Variants in PPM1K observed in about 807,000 individuals in gnomAD.
PPM1K encodes protein phosphatase, Mg2+/Mn2+ dependent 1K.
A neutral mutation model predicts 32.6 loss-of-function variants in PPM1K; 19 were observed. The observed-to-expected ratio is 0.58, with a 90% confidence interval of 0.41 to 0.86. The LOEUF is 0.86. Among genes scored for constraint, PPM1K ranks in the 40% least tolerant of loss-of-function variants. The pLI, the probability that PPM1K is intolerant of heterozygous loss-of-function variation, is 0.00. For missense variants in PPM1K, 362 were observed against 461.2 expected (o/e 0.78, Z 1.97); for synonymous variants, 159 against 165.3 (o/e 0.96, Z 0.29).
At chr4:88,275,342 C>T in intron 3 of PPM1K, 2 of 969,506 alleles carry the variant, frequency 2.1e-6, no homozygotes. Flanking sequence ...TTTCTTTATA[C>T]AACTGTTTAA....
At chr4:88,263,121 C>G (rs1019249127) in intron 6 of PPM1K, among the ~76,000 whole-genome samples, 5 of 152,106 alleles carry the variant, frequency 3.3e-5, no homozygotes. Flanking sequence ...GAATTCAATT[C>G]CCTTTAGGGA....
rs948496716 is a variant in PPM1K at position 88,259,771 on chromosome 4, C to A, written c.*2824G>T. 2.6e-5 allele frequency: 4 copies of A among 152,142 alleles called. No individual in the cohort carries two copies. The highest frequency in any genetic ancestry group is 7.2e-5 in the African/African-American group (3 of 41,428). The allele number at this position is 152,142 out of a possible 1,614,324, so 9.4% of individuals were successfully genotyped here. A position where few individuals can be genotyped will look rare whatever the true frequency, so the allele number is the denominator to read the frequency against. ...GTTTTAAAAGCTTTCCCGGATAAAG[C>A]AGAGTCAAGTCTACCCTATATCCCC... On this transcript the variant is annotated 3_prime_UTR_variant, in exon 7 of 7. Coordinates refer to ENST00000608933, the MANE Select transcript of PPM1K (RefSeq NM_152542.5).
At chr4:88,274,918 A>G (rs1032162518) in intron 3 of PPM1K, 2 of 308,476 alleles carry the variant, frequency 6.5e-6, no homozygotes, top group Non-Finnish European at 9.5e-6. Context: ...ACACAGACCG[A>G]TAAGAATATA....
intron 1 of PPM1K, among the ~76,000 whole-genome samples, chr4:88,280,079 G>C (rs1364384657): frequency 6.6e-6 from 1 of 152,064 alleles, no homozygotes; most frequent in Non-Finnish European, 1.5e-5. Flanking sequence ...AAAGAATGAG[G>C]TTCCAAAGAA....
At position 88,278,788 on chromosome 4, in the gene PPM1K, A is replaced by G; in HGVS notation, c.-59-146T>C. On this transcript the variant is annotated intron_variant, in intron 1 of 6. Coordinates refer to ENST00000608933, the MANE Select transcript of PPM1K (RefSeq NM_152542.5). This position sits in a 1 kb window ranked among gnomAD's most constrained non-coding sequence, Gnocchi z 4.2. ...ATATTACCAAAAATGAAGCTCATAAAGGATTTGACAGAAAATACATATATT... is the reference window on the plus strand; with the variant it reads ...ATATTACCAAAAATGAAGCTCATAAGGGATTTGACAGAAAATACATATATT... 1.8e-6 allele frequency: 1 copy of G among 549,058 alleles called. No homozygotes were observed. The highest frequency in any genetic ancestry group is 3.2e-6 in the Non-Finnish European group (1 of 312,026). The allele number at this position is 549,058 out of a possible 1,614,324, so 34.0% of individuals were successfully genotyped here.
intron 5 of PPM1K, among the ~76,000 whole-genome samples, chr4:88,265,639 C>T (rs1291674498): frequency 6.6e-6 from 1 of 152,154 alleles, no homozygotes; most frequent in Non-Finnish European, 1.5e-5. Flanking sequence ...AATGTAAAGC[C>T]TACCTGTTGG....
In PPM1K at chr4:88,277,256, G is replaced by GA. The variant is rs756424793; in HGVS notation, c.441-14dup. On this transcript the variant is annotated splice_polypyrimidine_tract_variant and intron_variant, in intron 2 of 6. Coordinates refer to ENST00000608933, the MANE Select transcript of PPM1K (RefSeq NM_152542.5). ...AGGAAGCAAATCCCTTTGTGGGGAGGAAAAAAAGAGCCTTAAACAATCATT... is the reference window on the plus strand; with the variant it reads ...AGGAAGCAAATCCCTTTGTGGGGAGGAAAAAAAAGAGCCTTAAACAATCATT... 3.2e-6 allele frequency: 5 copies of GA among 1,546,116 alleles called. No homozygotes were observed. Among genetic ancestry groups the GA allele is most frequent in the Non-Finnish European group, 4.5e-6 (5 of 1,121,188 alleles).
intron 5 of PPM1K, among the ~76,000 whole-genome samples, chr4:88,265,657 T>C (rs539110423): frequency 3.3e-5 from 5 of 152,180 alleles, no homozygotes; most frequent in Admixed American, 6.5e-5. Context: ...TGGGCAAAAG[T>C]AGTAACATTT....
rs554791181 is a variant in PPM1K, at chr4:88,279,994, A to G, written c.-59-1352T>C. Among the ~76,000 whole-genome samples the G allele has an allele frequency of 7.9e-5, 12 of 152,364 alleles. No individual in the cohort carries two copies. The South Asian group carries it at 8.3e-4, about 11-fold the overall frequency. The stretch of plus-strand genomic sequence containing the variant: ...ACAGATTTCAAACAATTACTTTCCA[A>G]TGAATTTTTGGAAATCAGTCTAGCT... On this transcript the variant is annotated intron_variant, in intron 1 of 6. Transcript: ENST00000608933.
Position 88,278,290 on chromosome 4 carries a change from G to A in PPM1K, c.294C>T (p.Ala98=), listed in dbSNP as rs117297894. The stretch of plus-strand genomic sequence containing the variant: ...TCTCTTTCCGTTTGCCAATCTGTGA[G>A]GCGCACCCCACATTTTCCAAGCTGA... The part of the protein sequence containing the change: ...PKISLENVGC[A]SQIGKRKENE... The change falls in exon 2 of 7, where the codon GCC becomes GCT. Residue 98 remains alanine, a synonymous_variant. Coordinates refer to ENST00000608933, the MANE Select transcript of PPM1K (RefSeq NM_152542.5). This position sits in a 1 kb window ranked among gnomAD's most constrained non-coding sequence, Gnocchi z 4.2. The A allele has an allele frequency of 8.9e-5, 144 of 1,614,170 alleles. No individual in the cohort carries two copies. The East Asian group carries it at 2.9e-3, about 33-fold the overall frequency.
intron 3 of PPM1K, chr4:88,271,259 C>T (rs1382667170): frequency 5.6e-6 from 2 of 355,464 alleles, no homozygotes; most frequent in African/African-American, 4.3e-5. Flanking sequence ...CATTACAAAC[C>T]TGCAACACAG....
rs969999838 is a variant in PPM1K at position 88,260,858 on chromosome 4, T to G, written c.*1737A>C. The G allele has an allele frequency of 6.6e-6, 1 of 152,166 alleles. No homozygotes were observed. The highest frequency in any genetic ancestry group is 2.4e-5 in the African/African-American group (1 of 41,446). 9.4% of individuals were successfully genotyped at this position (152,166 alleles called of 1,614,324 possible). Reference sequence around the variant, plus strand: ...CAGAATTCCATGTCATTCTTAAGATTCAGTATTTTTCTCACATCCTATTAC... The same window carrying G: ...CAGAATTCCATGTCATTCTTAAGATGCAGTATTTTTCTCACATCCTATTAC... On this transcript the variant is annotated 3_prime_UTR_variant, in exon 7 of 7. Transcript: ENST00000608933.
intron 5 of PPM1K, among the ~76,000 whole-genome samples, chr4:88,267,068 G>GTGCAGGTGATGCTGATTGGA (rs1731353902): frequency 6.8e-6 from 1 of 147,372 alleles, no homozygotes; most frequent in Non-Finnish European, 1.5e-5. Flanking sequence ...TGCTGATTGG[G>GTGCAGGTGATGCTGATTGGA]TGCAGGTGAT....
chr4:88,271,059 C>T (rs1206875929), intron 3 of PPM1K: 2 of 518,420 alleles, frequency 3.9e-6, no homozygotes, highest in Non-Finnish European at 7.7e-6. Flanking sequence ...GGGAACCTTC[C>T]CGTAGTCCAG....
In PPM1K at chr4:88,258,200, A is replaced by G. The variant is rs1730977509; in HGVS notation, c.*4395T>C. On this transcript the variant is annotated 3_prime_UTR_variant, in exon 7 of 7. Coordinates refer to ENST00000608933, the MANE Select transcript of PPM1K (RefSeq NM_152542.5). ...GGAGGTGCTAAAGAAAAATAGAAGC[A>G]TTTTCTTATTATCATATTACCATGA... 1 of 152,146 alleles carries G rather than the reference A, an allele frequency of 6.6e-6. No individual in the cohort carries two copies. The highest frequency in any genetic ancestry group is 2.4e-5 in the African/African-American group (1 of 41,424). The allele number at this position is 152,146 out of a possible 1,614,324, so 9.4% of individuals were successfully genotyped here. A position where few individuals can be genotyped will look rare whatever the true frequency, so the allele number is the denominator to read the frequency against.
rs773839895 is a variant in PPM1K, at chr4:88,268,955, T to C, written c.542-49A>G. On this transcript the variant is annotated intron_variant, in intron 3 of 6. Transcript: ENST00000608933. ...GTACAAGTTAGTGACAGTCAAATGA[T>C]TGGATATGGAATTTTTATTACAAAA... is the stretch of plus-strand genomic sequence containing the variant. 6.5e-5 allele frequency: 96 copies of C among 1,467,128 alleles called. 1 individual carries two copies. Among genetic ancestry groups the C allele is most frequent in the Middle Eastern group, 1.8e-4 (1 of 5,544 alleles). 90.9% of individuals were successfully genotyped at this position (1,467,128 alleles called of 1,614,324 possible). A position where few individuals can be genotyped will look rare whatever the true frequency, so the allele number is the denominator to read the frequency against.
At chr4:88,269,052 G>T in intron 3 of PPM1K, 146 bp from the exon 4 acceptor site, 1 of 664,444 alleles carries the variant, frequency 1.5e-6, no homozygotes. Context: ...CAAATAAAAT[G>T]CAAATGAACT....
intron 6 of PPM1K, among the ~76,000 whole-genome samples, chr4:88,263,123 C>T (rs1731187112): frequency 6.6e-6 from 1 of 152,102 alleles, no homozygotes; most frequent in Non-Finnish European, 1.5e-5. Context: ...ATTCAATTCC[C>T]TTTAGGGAAA....
chr4:88,274,231 A>G (rs557367728), intron 3 of PPM1K, among the ~76,000 whole-genome samples: 6 of 152,306 alleles, frequency 3.9e-5, no homozygotes, highest in East Asian at 1.9e-4. Context: ...ATTCACTTCT[A>G]TGGTTTAAGC....
Sources: allele counts gnomAD v4.1 joint callset (sites outside exome capture counted in the v4.1 genomes callset), GRCh38; gene constraint gnomAD v4.1.1; non-coding constraint Gnocchi (gnomAD v3.1); transcripts MANE v1.5; gene names NCBI Gene and HGNC (gene_info 2026-07-23, HGNC 2026-07-21).